CENPI: variants seen among roughly 807,000 people sequenced by gnomAD.
CENPI encodes the protein FSH primary response 1.
CENPI carries 4 observed loss-of-function variants against 60.4 expected under a neutral mutation model. The ratio of observed to expected loss-of-function variants is 0.07; its 90% confidence interval spans 0.03 to 0.15. The LOEUF (loss-of-function observed/expected upper bound fraction) is 0.15. Among genes scored for constraint, CENPI ranks in the 10% least tolerant of loss-of-function variants. The pLI is 1.00. For missense variants in CENPI, 444 were observed against 534.5 expected, an observed-to-expected ratio of 0.83 and a Z score of 1.67; for synonymous variants, 157 against 189.4, an observed-to-expected ratio of 0.83 and a Z score of 1.40.
intron 15 of CENPI, among the ~76,000 whole-genome samples, chrX:101,133,251 A>G (rs2089813341): frequency 9.2e-6 from 1 of 108,877 alleles, no homozygotes; most frequent in African/African-American, 3.3e-5. Context: ...CCTGACCAAT[A>G]TCATCATTCA....
chrX:101,145,563 C>T, intron 17 of CENPI, among the ~76,000 whole-genome samples: 1 of 109,317 alleles, frequency 9.1e-6, no homozygotes, highest in Non-Finnish European at 1.9e-5. Flanking sequence ...CTTTCAGCTG[C>T]CTTACTTCTC....
At chrX:101,114,118 A>C (rs761230265) in intron 6 of CENPI, among the ~76,000 whole-genome samples, 2 of 111,740 alleles carry the variant, frequency 1.8e-5, no homozygotes, top group Non-Finnish European at 3.8e-5. Flanking sequence ...TTAGCCAGGC[A>C]TGGTGACAGG....
At chrX:101,139,716 G>A (rs2089892778) in intron 15 of CENPI, among the ~76,000 whole-genome samples, 1 of 111,254 alleles carries the variant, frequency 9.0e-6, no homozygotes, top group Admixed American at 9.5e-5. Flanking sequence ...TTTAAGAAAG[G>A]TTTGCTGTAT....
Position 101,163,444 on chromosome X carries a change from C to T in CENPI, c.*477C>T, listed in dbSNP as rs972012875. On this transcript the variant is annotated 3_prime_UTR_variant, in exon 22 of 22. Transcript: ENST00000682095. ...CAACATGTGTATGACTCTAAAAGCC[C>T]TAAGTAGTTGGTAACTTCCTGGGCC... 8.6e-6 allele frequency: 1 copy of T among 116,315 alleles called. No homozygotes were observed. Among genetic ancestry groups the T allele is most frequent in the African/African-American group, 3.3e-5 (1 of 30,685 alleles). 9.6% of individuals were successfully genotyped at this position (116,315 alleles called of 1,213,427 possible).
the CENPI span, among the ~76,000 whole-genome samples, chrX:101,171,612 TTGTAG>T: frequency 1.0e-5 from 1 of 99,386 alleles, no homozygotes; most frequent in Admixed American, 1.1e-4. Context: ...AAATGAGTTT[TTGTAG>T]AAACTGAGTC....
intron 20 of CENPI, among the ~76,000 whole-genome samples, chrX:101,157,996 C>T (rs149765644): frequency 0.018 from 2,004 of 111,480 alleles, 40 homozygotes; most frequent in African/African-American, 0.063. Flanking sequence ...TCATTCTACT[C>T]TCTACCTCCA....
rs1222889534 is a variant in CENPI at position 101,147,749 on chromosome X, GT to G, written c.1827-8del. 1.7e-6 allele frequency: 2 copies of G among 1,180,020 alleles called. No individual in the cohort carries two copies. Among genetic ancestry groups the G allele is most frequent in the East Asian group, 3.0e-5 (1 of 33,536 alleles). ...GCATGTTAAATGTTTCATTCTGTTT[GT>G]TTTTTCTGTTAGATATCGTAAAAAT... On this transcript the variant is annotated splice_polypyrimidine_tract_variant and intron_variant, in intron 18 of 21. Transcript: ENST00000682095.
chrX:101,127,948 A>T lies in CENPI; in HGVS notation c.1074+283A>T, dbSNP rs1051145369. 9.8e-5 allele frequency among the ~76,000 whole-genome samples: 11 copies of T among 111,751 alleles called. No individual in the cohort carries two copies. The Admixed American group carries it at 1.1e-3, about 11-fold the overall frequency. Reference sequence around the variant, plus strand: ...CACGGTGGCTCATGCCGGTAATCCCAGCACTTTGGGAGGCCGAGGTGGGCG... The same window carrying T: ...CACGGTGGCTCATGCCGGTAATCCCTGCACTTTGGGAGGCCGAGGTGGGCG... On this transcript the variant is annotated intron_variant, in intron 11 of 21. Coordinates refer to ENST00000682095, the MANE Select transcript of CENPI (RefSeq NM_001386188.2).
intron 8 of CENPI, among the ~76,000 whole-genome samples, chrX:101,122,069 T>G (rs770918013): frequency 1.7e-3 from 194 of 111,541 alleles, no homozygotes; most frequent in Non-Finnish European, 3.0e-3. Flanking sequence ...CCTCCCAAAG[T>G]GCTGGGATTA....
Position 101,145,157 on chromosome X carries a change from C to A in CENPI, c.1659C>A (p.Asn553Lys). 2 of 1,206,149 alleles carry A rather than the reference C, an allele frequency of 1.7e-6. No homozygotes were observed. The highest frequency in any genetic ancestry group is 2.2e-6 in the Non-Finnish European group (2 of 890,744). Residue 553 changes from asparagine to lysine, a missense_variant, in exon 17 of 22, where the codon AAC becomes AAA. Physicochemically the swap from Asn to Lys is moderately conservative, Grantham distance 94 (BLOSUM62 0). Transcript: ENST00000682095. ...LSTTAMRLES[N>K]NTFLLHFILD... is the part of the protein sequence containing the mutation. ...CTACTGCAATGCGCTTGGAGAGCAA[C>A]AATACTTTCTTGCTGCACTTTATTT... is the stretch of plus-strand genomic sequence containing the variant.
chrX:101,140,035 A>T (rs1237933855), intron 15 of CENPI, among the ~76,000 whole-genome samples: 1 of 110,119 alleles, frequency 9.1e-6, no homozygotes, highest in African/African-American at 3.3e-5. Context: ...ACGGGGTTTC[A>T]CCGCGTTAGC....
chrX:101,138,618 G>A (rs1032801108), intron 15 of CENPI, among the ~76,000 whole-genome samples: 3 of 108,702 alleles, frequency 2.8e-5, no homozygotes, highest in African/African-American at 1.0e-4. Flanking sequence ...GAGCCACCAC[G>A]CCCAGCCAAG....
chrX:101,109,630 A>G, intron 5 of CENPI, 39 bp downstream of exon 5: 1 of 1,011,099 alleles, frequency 9.9e-7, no homozygotes, highest in African/African-American at 1.9e-5. Context: ...GTCCTTCAGA[A>G]CCACTTAAGG....
chrX:101,159,171 CT>C (rs1309281669), intron 20 of CENPI, among the ~76,000 whole-genome samples: 2 of 109,248 alleles, frequency 1.8e-5, no homozygotes, highest in East Asian at 2.9e-4. Context: ...GAAAATGACC[CT>C]TTTTTTTGAG....
intron 2 of CENPI, among the ~76,000 whole-genome samples, chrX:101,099,085 TCTCC>T (rs1259923342): frequency 1.8e-5 from 2 of 111,358 alleles, no homozygotes; most frequent in Admixed American, 9.6e-5. Flanking sequence ...TCTCTCTCTC[TCTCC>T]CTCCCTCCCT....
At chrX:101,144,090 T>TC (rs1157275303) in intron 16 of CENPI, among the ~76,000 whole-genome samples, 2 of 99,519 alleles carry the variant, frequency 2.0e-5, no homozygotes, top group African/African-American at 7.4e-5. Flanking sequence ...TCTTTTTCTT[T>TC]TTTTTTTTTT....
intron 15 of CENPI, among the ~76,000 whole-genome samples, chrX:101,138,917 T>A (rs1285631615): frequency 1.9e-5 from 2 of 106,151 alleles, no homozygotes; most frequent in African/African-American, 6.9e-5. Context: ...TGAGCCACTG[T>A]GCATGGCCAA....
downstream of CENPI, among the ~76,000 whole-genome samples, chrX:101,170,287 A>G (rs1275206657): frequency 8.9e-6 from 1 of 112,309 alleles, no homozygotes; most frequent in Non-Finnish European, 1.9e-5. Flanking sequence ...CATGCTGTTC[A>G]GATTTGTAGC....
downstream of CENPI, among the ~76,000 whole-genome samples, chrX:101,167,185 T>C (rs2090146605): frequency 8.9e-6 from 1 of 112,819 alleles, no homozygotes; most frequent in African/African-American, 3.2e-5. Context: ...AAAGTGATTC[T>C]CTGTAATTCT....
Sources: gnomAD v4.1 joint callset for allele counts (sites outside exome capture counted in the v4.1 genomes callset) on GRCh38, gnomAD v4.1.1 for gene constraint, MANE v1.5 for transcripts, NCBI Gene and HGNC (gene_info 2026-07-23, HGNC 2026-07-21) for gene names.